DOCK10: variants seen among roughly 807,000 people sequenced by gnomAD.
DOCK10 encodes the protein dedicator of cytokinesis 10.
DOCK10 carries 145 observed loss-of-function variants against 280.1 expected under a neutral mutation model. That is an observed-to-expected ratio of 0.52 (90% confidence interval 0.45 to 0.59). The LOEUF is 0.59. DOCK10 is among the 20% of genes least tolerant of loss of function. The probability of loss-of-function intolerance (pLI) is 0.00; values close to 1 mark genes in which losing one functional copy is unlikely to be tolerated. For synonymous variants in DOCK10, 915 were observed against 942.2 expected (o/e 0.97, Z 0.53); for missense variants, 2,368 against 2,651.7 (o/e 0.89, Z 2.35).
chr2:224,801,812 G>A, intron 40 of DOCK10, 104 bp downstream of exon 40: 1 of 1,214,526 alleles, frequency 8.2e-7, no homozygotes. Context: ...ATTCCCAGAG[G>A]TACAGCAAAC....
At chr2:224,841,766 C>T in intron 23 of DOCK10, 38 bp downstream of exon 23, 1 of 1,410,722 alleles carries the variant, frequency 7.1e-7, no homozygotes, top group Non-Finnish European at 1.0e-6. Flanking sequence ...CACATTTTTA[C>T]CCTGGAGATC....
chr2:224,801,541 T>C (rs1693014795), intron 40 of DOCK10, among the ~76,000 whole-genome samples: 1 of 152,120 alleles, frequency 6.6e-6, no homozygotes, highest in Non-Finnish European at 1.5e-5. Context: ...ATTCACAAGC[T>C]GGAGTGTGTG....
intron 1 of DOCK10, among the ~76,000 whole-genome samples, chr2:224,974,833 A>T (rs1022080346): frequency 3.8e-5 from 5 of 133,090 alleles, no homozygotes; most frequent in South Asian, 2.3e-4. Flanking sequence ...TATATATATT[A>T]TATATAACAT....
chr2:224,849,726 A>T, intron 18 of DOCK10, 127 bp from the exon 19 acceptor site: 3 of 647,364 alleles, frequency 4.6e-6, no homozygotes, highest in Non-Finnish European at 8.3e-6. Context: ...TTGCCAGGCT[A>T]AGCTGGCATC....
At chr2:224,988,653 G>T (rs1056735265) in intron 1 of DOCK10, among the ~76,000 whole-genome samples, 11 of 152,090 alleles carry the variant, frequency 7.2e-5, no homozygotes, top group Non-Finnish European at 1.0e-4. Flanking sequence ...TTTGAGAGCT[G>T]GTCTGTCCCT....
rs909434613 is a variant in DOCK10, at chr2:224,909,028, T to C, written c.333+7667A>G. ...AAGTGGTCCCTAGACCTTTGTTCCC[T>C]CTTGAGCCACTGTATTGTTCTCAAT... On this transcript the variant is annotated intron_variant, in intron 3 of 55. Coordinates refer to ENST00000258390, the MANE Select transcript of DOCK10 (RefSeq NM_014689.3). 3.3e-5 allele frequency among the ~76,000 whole-genome samples: 5 copies of C among 152,332 alleles called. No homozygotes were observed. In the South Asian group the frequency reaches 6.2e-4, roughly 19 times the overall value.
Position 224,908,656 on chromosome 2 carries a change from C to G in DOCK10, c.333+8039G>C, listed in dbSNP as rs777189280. On this transcript the variant is annotated intron_variant, in intron 3 of 55. Transcript: ENST00000258390. Reference sequence around the variant, plus strand: ...GGACTGCAGGTGCACACCATCATGCCCAGCTAATTAAAAAGTTTTTTTTAG... The same window carrying G: ...GGACTGCAGGTGCACACCATCATGCGCAGCTAATTAAAAAGTTTTTTTTAG... Among the ~76,000 whole-genome samples, 145 of 151,990 alleles carry G rather than the reference C, an allele frequency of 9.5e-4. 2 individuals are homozygous for G. Among genetic ancestry groups the G allele is most frequent in the Admixed American group, 6.4e-3 (97 of 15,252 alleles).
intron 18 of DOCK10, 115 bp downstream of exon 18, chr2:224,852,262 G>A (rs761044221): frequency 1.7e-5 from 13 of 744,896 alleles, no homozygotes; most frequent in East Asian, 5.4e-5. Flanking sequence ...TAAAACAAAT[G>A]TATTAAATTA....
At chr2:224,990,969 T>A (rs924405472) in intron 1 of DOCK10, among the ~76,000 whole-genome samples, 1 of 152,238 alleles carries the variant, frequency 6.6e-6, no homozygotes, top group East Asian at 1.9e-4. Flanking sequence ...TATATCCTCA[T>A]GGTTAACACC....
chr2:224,908,127 T>C (rs1278387024), intron 3 of DOCK10, among the ~76,000 whole-genome samples: 1 of 151,812 alleles, frequency 6.6e-6, no homozygotes, highest in East Asian at 1.9e-4. Context: ...GAACGTTCTG[T>C]GCCTACATAA....
Position 224,765,792 on chromosome 2 carries a change from AG to A in DOCK10, c.6489del (p.Cys2164AlafsTer4). On this transcript the variant is annotated frameshift_variant, in exon 56 of 56. Transcript: ENST00000258390. LOFTEE classifies it low-confidence loss of function (END_TRUNC). ...GTTGCTTTGCTAATTACTCGAGTGC[AG>A]GTTTGGTCCACTCCGCGCTTTGACA... ...DDLSKRGVDQ[T>X]CTRVISKATP... 1 of 1,613,912 alleles carries A rather than the reference AG, an allele frequency of 6.2e-7. No homozygotes were observed. The highest frequency in any genetic ancestry group is 8.5e-7 in the Non-Finnish European group (1 of 1,179,874).
intron 1 of DOCK10, among the ~76,000 whole-genome samples, chr2:224,952,003 T>G (rs573790047): frequency 3.0e-4 from 45 of 152,342 alleles, no homozygotes; most frequent in Admixed American, 2.0e-3. Context: ...CTCATCTTCC[T>G]AACATATCTC....
chr2:224,994,918 G>A (rs1464287122), intron 1 of DOCK10, among the ~76,000 whole-genome samples: 1 of 152,194 alleles, frequency 6.6e-6, no homozygotes, highest in Non-Finnish European at 1.5e-5. Context: ...GAATTCAGGA[G>A]TGGCATAGAT....
intron 50 of DOCK10, chr2:224,784,733 T>C: frequency 7.8e-7 from 1 of 1,289,780 alleles, no homozygotes; most frequent in Non-Finnish European, 1.0e-6. Flanking sequence ...GAGTGAGAAC[T>C]TACCACAGCC....
At chr2:225,041,868 T>C (rs1690436908) in intron 1 of DOCK10, among the ~76,000 whole-genome samples, 1 of 152,174 alleles carries the variant, frequency 6.6e-6, no homozygotes, top group South Asian at 2.1e-4. Flanking sequence ...TCAGGGGTTC[T>C]GTTCTGTAGA....
chr2:224,794,658 T>C (rs77255397), intron 45 of DOCK10, among the ~76,000 whole-genome samples: 1 of 152,342 alleles, frequency 6.6e-6, no homozygotes, highest in East Asian at 1.9e-4. Flanking sequence ...ACACCTGCAG[T>C]TGCCCCCACT....
chr2:224,982,798 A>ATTT (rs10627404), intron 1 of DOCK10, among the ~76,000 whole-genome samples: 261 of 150,546 alleles, frequency 1.7e-3, no homozygotes, highest in African/African-American at 5.9e-3. Context: ...AGTGAAAATG[A>ATTT]TTTTTTTTTT....
chr2:224,800,168 A>C lies in DOCK10; in HGVS notation c.4489T>G (p.Phe1497Val), dbSNP rs375643163. 3.1e-6 allele frequency: 5 copies of C among 1,606,956 alleles called. No individual in the cohort carries two copies. The African/African-American group carries it at 4.0e-5, about 13-fold the overall frequency. ...ATATTCACCTGATGAGTCTGTGTGA[A>C]GAGGGATAACAGGTCCAGAATAGTG... ...CLTILDLLSL[F>V]TQTHQRQLQQ... Residue 1497 changes from phenylalanine (F) to valine (V), a missense_variant, in exon 41 of 56, where the codon TTC (phenylalanine) becomes GTC (valine). Coordinates refer to ENST00000258390, the MANE Select transcript of DOCK10 (RefSeq NM_014689.3).
intron 25 of DOCK10, 62 bp from the exon 26 acceptor site, chr2:224,834,325 A>C: frequency 1.0e-6 from 1 of 954,496 alleles, no homozygotes; most frequent in Non-Finnish European, 1.7e-6. Flanking sequence ...TTCAAAAACT[A>C]TGTCATGTGA....
Sources: allele counts gnomAD v4.1 joint callset (sites outside exome capture counted in the v4.1 genomes callset), GRCh38; gene constraint gnomAD v4.1.1; transcripts MANE v1.5; gene names NCBI Gene and HGNC (gene_info 2026-07-23, HGNC 2026-07-21).